The following CCDC178 variants were observed in gnomAD, a reference collection of about 807,000 sequenced individuals.
CCDC178 encodes the protein coiled-coil domain containing 178.
In CCDC178, 126 loss-of-function variants were observed where a neutral mutation model predicts 117.4. The ratio of observed to expected loss-of-function variants is 1.07; its 90% CI spans 0.93 to 1.24. CCDC178 has a LOEUF of 1.24. CCDC178 is among the 50% of genes most tolerant of loss of function. CCDC178 has a pLI of 0.00. For synonymous variants in CCDC178, 283 were observed against 313.4 expected (o/e 0.90, Z 1.02); for missense variants, 1,030 against 986.9 (o/e 1.04, Z -0.59).
chr18:33,134,226 T>A (rs963687079), intron 20 of CCDC178, among the ~76,000 whole-genome samples: 1 of 151,994 alleles, frequency 6.6e-6, no homozygotes, highest in African/African-American at 2.4e-5. Flanking sequence ...CTCACACATA[T>A]GGTTATAAAA....
At chr18:32,950,813 T>A (rs2054466019) in intron 22 of CCDC178, among the ~76,000 whole-genome samples, 1 of 152,180 alleles carries the variant, frequency 6.6e-6, no homozygotes, top group Admixed American at 6.5e-5. Flanking sequence ...AGGTAAAAAA[T>A]TAATCTATAA....
At chr18:33,358,959 T>C (rs1440451626) in intron 6 of CCDC178, among the ~76,000 whole-genome samples, 1 of 151,882 alleles carries the variant, frequency 6.6e-6, no homozygotes, top group South Asian at 2.1e-4. Context: ...TCAGTGAGCA[T>C]GTTAATAAGA....
intron 17 of CCDC178, among the ~76,000 whole-genome samples, chr18:33,223,792 G>A (rs1480463475): frequency 6.6e-6 from 1 of 152,064 alleles, no homozygotes; most frequent in Non-Finnish European, 1.5e-5. Flanking sequence ...ATTAATGTAA[G>A]GGGGAGCCAT....
chr18:33,288,587 G>A (rs2060130750), intron 12 of CCDC178, among the ~76,000 whole-genome samples: 1 of 151,588 alleles, frequency 6.6e-6, no homozygotes, highest in African/African-American at 2.4e-5. Context: ...GAGTCACAAT[G>A]CATCTCCTGC....
At chr18:33,054,526 G>C (rs1005857740) in intron 21 of CCDC178, among the ~76,000 whole-genome samples, 1 of 152,150 alleles carries the variant, frequency 6.6e-6, no homozygotes, top group African/African-American at 2.4e-5. Flanking sequence ...GCAGTGTTTG[G>C]TTTTCTCTTC....
chr18:33,093,331 G>A (rs2057495671), intron 20 of CCDC178, among the ~76,000 whole-genome samples: 1 of 151,942 alleles, frequency 6.6e-6, no homozygotes, highest in Non-Finnish European at 1.5e-5. Context: ...ATGGTACCTT[G>A]TAGCTTAGAA....
At chr18:32,958,706 T>C (rs2054643320) in intron 22 of CCDC178, among the ~76,000 whole-genome samples, 1 of 152,194 alleles carries the variant, frequency 6.6e-6, no homozygotes, top group Non-Finnish European at 1.5e-5. Flanking sequence ...CATTCTGTAG[T>C]GTAATGACAA....
intron 21 of CCDC178, among the ~76,000 whole-genome samples, chr18:33,023,088 G>A (rs1437439683): frequency 1.3e-5 from 2 of 152,044 alleles, no homozygotes; most frequent in East Asian, 1.9e-4. Context: ...AATATGTGAA[G>A]GAGAAACAGA....
intron 12 of CCDC178, among the ~76,000 whole-genome samples, chr18:33,280,440 A>T (rs1481835439): frequency 2.6e-5 from 4 of 151,658 alleles, no homozygotes; most frequent in Admixed American, 2.0e-4. Context: ...AATCATTAAA[A>T]AGTCAGGAAA....
At chr18:33,056,962 T>TC (rs1485836760) in intron 21 of CCDC178, among the ~76,000 whole-genome samples, 3 of 151,684 alleles carry the variant, frequency 2.0e-5, no homozygotes, top group East Asian at 3.9e-4. Context: ...TTTTTTTTTT[T>TC]TGCTTTCCAC....
At chr18:32,955,142 A>T (rs1049644976) in intron 22 of CCDC178, among the ~76,000 whole-genome samples, 1 of 152,118 alleles carries the variant, frequency 6.6e-6, no homozygotes, top group Non-Finnish European at 1.5e-5. Flanking sequence ...AGTCTAAGCA[A>T]TCTTTCAAAA....
chr18:33,057,194 C>T (rs780365856), intron 21 of CCDC178, among the ~76,000 whole-genome samples: 27 of 152,128 alleles, frequency 1.8e-4, no homozygotes, highest in Admixed American at 2.0e-4. Context: ...ATCAATTGAA[C>T]ATAGCAAGAC....
chr18:33,200,440 A>T (rs2058979037), intron 20 of CCDC178, among the ~76,000 whole-genome samples: 2 of 152,134 alleles, frequency 1.3e-5, no homozygotes, highest in Admixed American at 1.3e-4. Flanking sequence ...TAGCTTTGTT[A>T]CCCTTCTGGT....
intron 21 of CCDC178, among the ~76,000 whole-genome samples, chr18:33,037,127 G>C (rs1450597011): frequency 1.3e-5 from 2 of 151,874 alleles, no homozygotes; most frequent in Non-Finnish European, 2.9e-5. Context: ...GACTACTAGA[G>C]AAAAGCCTCA....
At chr18:33,031,852 G>A (rs2056350046) in intron 21 of CCDC178, among the ~76,000 whole-genome samples, 2 of 152,018 alleles carry the variant, frequency 1.3e-5, no homozygotes, top group Non-Finnish European at 2.9e-5. Flanking sequence ...GGCATAGATT[G>A]AGTAAATAAA....
At chr18:33,055,552 C>A (rs1298488443) in intron 21 of CCDC178, among the ~76,000 whole-genome samples, 1 of 152,066 alleles carries the variant, frequency 6.6e-6, no homozygotes, top group Non-Finnish European at 1.5e-5. Flanking sequence ...TGGTTTCGAA[C>A]TTCTGGGCTC....
At chr18:33,043,425 T>C (rs1248964525) in intron 21 of CCDC178, among the ~76,000 whole-genome samples, 2 of 152,062 alleles carry the variant, frequency 1.3e-5, no homozygotes, top group South Asian at 2.1e-4. Flanking sequence ...ATTTTGGCTT[T>C]ACCACTGACT....
chr18:33,035,225 A>G (rs144824802), intron 21 of CCDC178, among the ~76,000 whole-genome samples: 61 of 152,108 alleles, frequency 4.0e-4, no homozygotes, highest in Non-Finnish European at 8.1e-4. Context: ...GTCTGGATAC[A>G]TGGAAGTGGA....
At chr18:33,057,393 T>A (rs2056847529) in intron 21 of CCDC178, among the ~76,000 whole-genome samples, 1 of 152,220 alleles carries the variant, frequency 6.6e-6, no homozygotes, top group Non-Finnish European at 1.5e-5. Flanking sequence ...ACTGTTGGGT[T>A]GTGAAGTCTA....
Sources: gnomAD v4.1 joint callset for allele counts (sites outside exome capture counted in the v4.1 genomes callset) on GRCh38, gnomAD v4.1.1 for gene constraint, MANE v1.5 for transcripts, NCBI Gene and HGNC (gene_info 2026-07-23, HGNC 2026-07-21) for gene names.